The following DLG5 variants were observed in gnomAD, a reference collection of about 807,000 sequenced individuals.
DLG5 encodes disks large homolog 5.
DLG5 carries 48 observed loss-of-function variants against 189.8 expected under a neutral mutation model. The observed-to-expected ratio is 0.25, with a 90% CI of 0.20 to 0.32. The LOEUF is 0.32. Among genes scored for constraint, DLG5 ranks in the 10% least tolerant of loss-of-function variants. The probability of loss-of-function intolerance (pLI) is 1.00; values close to 1 mark genes in which losing one functional copy is unlikely to be tolerated. For missense variants in DLG5, 2,160 were observed against 2,544.7 expected, an observed-to-expected ratio of 0.85 and a Z score of 3.25; for synonymous variants, 1,016 against 1,054.1, an observed-to-expected ratio of 0.96 and a Z score of 0.70.
At chr10:77,808,370 G>A (rs1297027384) in intron 24 of DLG5, among the ~76,000 whole-genome samples, 1 of 152,082 alleles carries the variant, frequency 6.6e-6, no homozygotes, top group Non-Finnish European at 1.5e-5. Flanking sequence ...AGGCTCAAGT[G>A]ATCCTCCCAC....
intron 14 of DLG5, among the ~76,000 whole-genome samples, chr10:77,823,042 T>TGC: frequency 6.6e-6 from 1 of 152,328 alleles, no homozygotes; most frequent in African/African-American, 2.4e-5. Flanking sequence ...GACTGAACCT[T>TGC]AATGTAAACT....
chr10:77,838,725 T>A (rs1319085509), intron 7 of DLG5, among the ~76,000 whole-genome samples: 1 of 152,124 alleles, frequency 6.6e-6, no homozygotes, highest in Non-Finnish European at 1.5e-5. Context: ...GTGAGGGAGC[T>A]AGACCTGCCA....
intron 30 of DLG5, among the ~76,000 whole-genome samples, chr10:77,794,378 A>G (rs59587510): frequency 0.1 from 15,359 of 152,286 alleles, 1,340 homozygotes; most frequent in African/African-American, 0.24. Flanking sequence ...GAAGCTCAGC[A>G]GCACAGAAAG....
At chr10:77,864,542 C>A (rs916445998) in intron 2 of DLG5, among the ~76,000 whole-genome samples, 1 of 152,234 alleles carries the variant, frequency 6.6e-6, no homozygotes, top group Non-Finnish European at 1.5e-5. Context: ...ACCTAAGCTT[C>A]ACTAGAGAAC....
rs1291379811 is a variant in DLG5, at chr10:77,834,063, G to A, written c.1623-24C>T. 6 of 1,602,868 alleles carry A rather than the reference G, an allele frequency of 3.7e-6. No homozygotes were observed. The African/African-American group carries it at 4.0e-5, about 11-fold the overall frequency. On this transcript the variant is annotated intron_variant, in intron 8 of 31. Coordinates refer to ENST00000372391, the MANE Select transcript of DLG5 (RefSeq NM_004747.4). ...TCCTGGTGGAAGGAGCAGAGGACAA[G>A]GTCATCTCAAGAGGCATGGGGAAGG...
chr10:77,876,372 T>TC lies in DLG5; in HGVS notation c.305-7176dup, dbSNP rs1255334708. Among the ~76,000 whole-genome samples, 290 of 127,964 alleles carry TC rather than the reference T, an allele frequency of 2.3e-3. 1 individual carries two copies. Among genetic ancestry groups the TC allele is most frequent in the South Asian group, 0.017 (66 of 3,788 alleles). The allele number at this position is 127,964 out of a possible 152,430, so 83.9% of individuals were successfully genotyped here. On this transcript the variant is annotated intron_variant, in intron 1 of 31. Coordinates refer to ENST00000372391, the MANE Select transcript of DLG5 (RefSeq NM_004747.4). ...GGGCAATATAGCAAGACCCCATCTCTCTTTTTTTTTTTTTTTTTTTGAAAG... is the reference window on the plus strand; with the variant it reads ...GGGCAATATAGCAAGACCCCATCTCTCCTTTTTTTTTTTTTTTTTTTGAAAG...
rs762790948 is a variant in DLG5 at position 77,811,189 on chromosome 10, A to T, written c.4368T>A (p.Ser1456Arg). 1.9e-6 allele frequency: 3 copies of T among 1,613,308 alleles called. No homozygotes were observed. The South Asian group carries it at 3.3e-5, about 18-fold the overall frequency. ...ATGGATGCTCCGGGGTGGTGGTGCC[A>T]CTGCCCTGGAGAGTGGAGTGGGTAC... ...PAGTHSTLQG[S>R]GTTTPEHPSV... is the part of the protein sequence containing the mutation. Residue 1456 changes from serine (S) to arginine (R), a missense_variant, in exon 23 of 32, where the codon AGT (serine) becomes AGA (arginine). Ser to Arg is a moderately radical substitution (Grantham distance 110, BLOSUM62 -1). Transcript: ENST00000372391.
chr10:77,826,774 C>A (rs1312527811), intron 13 of DLG5, among the ~76,000 whole-genome samples: 1 of 152,126 alleles, frequency 6.6e-6, no homozygotes, highest in Non-Finnish European at 1.5e-5. Context: ...ATGGCGAAAC[C>A]CCGTCTCTAC....
At chr10:77,822,162 C>T (rs1391699830) in intron 14 of DLG5, 61 bp from the exon 15 acceptor site, 1 of 1,545,996 alleles carries the variant, frequency 6.5e-7, no homozygotes, top group Non-Finnish European at 8.7e-7. Context: ...GGAGCTGCCA[C>T]TGAAAACCAT....
intron 25 of DLG5, 133 bp from the exon 26 acceptor site, chr10:77,807,061 G>C (rs1402720863): frequency 1.5e-5 from 15 of 984,034 alleles, no homozygotes; most frequent in Non-Finnish European, 2.1e-5. Flanking sequence ...AGGAATCGCC[G>C]AGGGTGGTGA....
intron 1 of DLG5, among the ~76,000 whole-genome samples, chr10:77,904,553 G>A (rs1256429551): frequency 1.3e-5 from 2 of 152,022 alleles, no homozygotes; most frequent in East Asian, 1.9e-4. Flanking sequence ...CTTACGGGGA[G>A]GTAACTGAAT....
chr10:77,903,555 T>C (rs1010622142), intron 1 of DLG5, among the ~76,000 whole-genome samples: 15 of 150,924 alleles, frequency 9.9e-5, no homozygotes, highest in Admixed American at 5.3e-4. Context: ...GAGGCAGAGG[T>C]TGCGGTGAGC....
intron 23 of DLG5, among the ~76,000 whole-genome samples, chr10:77,810,286 G>T (rs1841696169): frequency 6.6e-6 from 1 of 152,208 alleles, no homozygotes; most frequent in African/African-American, 2.4e-5. Flanking sequence ...CAGATACAGG[G>T]GGCTTCAGGG....
At chr10:77,938,907 G>T in the DLG5 span, among the ~76,000 whole-genome samples, 1 of 152,188 alleles carries the variant, frequency 6.6e-6, no homozygotes, top group African/African-American at 2.4e-5. Flanking sequence ...GCCCCTATCA[G>T]GCCCGGTGCA....
At chr10:77,916,320 C>T (rs1237770052) in intron 1 of DLG5, among the ~76,000 whole-genome samples, 2 of 151,818 alleles carry the variant, frequency 1.3e-5, no homozygotes, top group Non-Finnish European at 2.9e-5. Flanking sequence ...GACAGAGTTT[C>T]GCTCTTGTTG....
chr10:77,837,856 G>A (rs759245883), intron 7 of DLG5, among the ~76,000 whole-genome samples: 1 of 152,160 alleles, frequency 6.6e-6, no homozygotes. Context: ...GGAAGAGATG[G>A]GCTAGTCTTC....
At chr10:77,877,928 G>A (rs1444507627) in intron 1 of DLG5, among the ~76,000 whole-genome samples, 2 of 152,202 alleles carry the variant, frequency 1.3e-5, no homozygotes, top group Non-Finnish European at 2.9e-5. Context: ...TGAGCAGCAG[G>A]GGCACCCAAG....
At chr10:77,888,474 A>G (rs1845509410) in intron 1 of DLG5, among the ~76,000 whole-genome samples, 1 of 152,230 alleles carries the variant, frequency 6.6e-6, no homozygotes, top group South Asian at 2.1e-4. Flanking sequence ...GAATTCCCAT[A>G]TGAATAGGAT....
chr10:77,901,748 G>A (rs1049437464), intron 1 of DLG5, among the ~76,000 whole-genome samples: 20 of 152,310 alleles, frequency 1.3e-4, no homozygotes, highest in South Asian at 4.1e-4. Flanking sequence ...AGGACCCACA[G>A]TGGGCCTGAG....
Sources: allele counts gnomAD v4.1 joint callset (sites outside exome capture counted in the v4.1 genomes callset), GRCh38; gene constraint gnomAD v4.1.1; transcripts MANE v1.5; gene names NCBI Gene and HGNC (gene_info 2026-07-23, HGNC 2026-07-21).